The following DEFB116 variants were observed in gnomAD, a reference collection of about 807,000 sequenced individuals.
The protein encoded by DEFB116 is defensin beta 116.
In DEFB116, 5 loss-of-function variants were observed where a neutral mutation model predicts 2.8. That is an observed-to-expected ratio of 1.80 (90% CI 0.94 to 3.79). The LOEUF (loss-of-function observed/expected upper bound fraction) is 3.79. DEFB116 is among the 30% of genes most tolerant of loss of function. DEFB116 has a pLI of 0.00. For synonymous variants in DEFB116, 56 were observed against 40.8 expected, an observed-to-expected ratio of 1.37 and a Z score of -1.42; for missense variants, 170 against 118.0, an observed-to-expected ratio of 1.44 and a Z score of -2.04.
chr20:31,306,124 T>C (rs1984986335), intron 1 of DEFB116, among the ~76,000 whole-genome samples: 1 of 152,250 alleles, frequency 6.6e-6, no homozygotes, highest in Non-Finnish European at 1.5e-5. Context: ...GATATATTAT[T>C]TCTCTGCCTG....
rs765316849 is a variant in DEFB116 at position 31,308,568 on chromosome 20, G to C, written c.18C>G (p.Pro6=). Residue 6 remains proline (P), a synonymous_variant, in exon 1 of 2, where the codon CCC becomes CCG. Coordinates refer to ENST00000400549, the MANE Select transcript of DEFB116 (RefSeq NM_001037731.1). ...TAAGGATGGCAATGGTCATTAAACA[G>C]GGCTTCATGACTGACATGTTCCACC... is the stretch of plus-strand genomic sequence containing the variant. MSVMK[P]CLMTIAILMI... 8 of 1,613,444 alleles carry C rather than the reference G, an allele frequency of 5.0e-6. No individual in the cohort carries two copies. Among genetic ancestry groups the C allele is most frequent in the Non-Finnish European group, 6.8e-6 (8 of 1,179,556 alleles).
rs1266268220 is a variant in DEFB116 at position 31,303,309 on chromosome 20, A to T, written c.212T>A (p.Leu71His). The T allele has an allele frequency of 4.3e-6, 7 of 1,613,428 alleles. No individual in the cohort carries two copies. In the African/African-American group the frequency reaches 9.3e-5, roughly 22 times the overall value. The change falls in exon 2 of 2, where the codon CTT (leucine) becomes CAT (histidine). Residue 71 changes from leucine (L) to histidine (H), a missense_variant. Coordinates refer to ENST00000400549, the MANE Select transcript of DEFB116 (RefSeq NM_001037731.1). ...TTTAGAACTGGTTATTTTCACAGAA[A>T]GTTTCAGGCAGCACTTTTGATCATT... is the stretch of plus-strand genomic sequence containing the variant. Reference protein sequence around the residue: ...CPNDQKCCLKLSVKITSSKNV... With the variant: ...CPNDQKCCLKHSVKITSSKNV...
chr20:31,306,408 G>A (rs926085698), intron 1 of DEFB116, among the ~76,000 whole-genome samples: 3 of 152,148 alleles, frequency 2.0e-5, no homozygotes, highest in Non-Finnish European at 2.9e-5. Flanking sequence ...GTCCAGAACT[G>A]TTCCTGCTCA....
chr20:31,306,838 A>T (rs1818248453), intron 1 of DEFB116, among the ~76,000 whole-genome samples: 2 of 152,100 alleles, frequency 1.3e-5, no homozygotes, highest in East Asian at 1.9e-4. Flanking sequence ...CCAAGATTTG[A>T]CAGGAGACAA....
Position 31,308,371 on chromosome 20 carries a change from A to G in DEFB116, c.67+148T>C, listed in dbSNP as rs374345526. Reference sequence around the variant, plus strand: ...CAGGGGAGATCTTTACATGAAATTAACCTTGGGAATAACATCTGTGACCCA... The same window carrying G: ...CAGGGGAGATCTTTACATGAAATTAGCCTTGGGAATAACATCTGTGACCCA... On this transcript the variant is annotated intron_variant, in intron 1 of 1. Transcript: ENST00000400549. 6 of 701,290 alleles carry G rather than the reference A, an allele frequency of 8.6e-6. No homozygotes were observed. The African/African-American group carries it at 9.0e-5, about 10-fold the overall frequency. 43.4% of individuals were successfully genotyped at this position (701,290 alleles called of 1,614,324 possible). A position where few individuals can be genotyped will look rare whatever the true frequency, so the allele number is the denominator to read the frequency against.
intron 1 of DEFB116, among the ~76,000 whole-genome samples, chr20:31,308,236 A>G (rs910517432): frequency 6.6e-6 from 1 of 152,058 alleles, no homozygotes; most frequent in Non-Finnish European, 1.5e-5. Context: ...CACCTAACTC[A>G]TGAATTAAGC....
rs1000427464 is a variant in DEFB116, at chr20:31,303,294, G to C, written c.227C>G (p.Thr76Ser). The C allele has an allele frequency of 8.7e-6, 14 of 1,613,592 alleles. 1 individual carries two copies. The highest frequency in any genetic ancestry group is 4.5e-5 in the East Asian group (2 of 44,884). Residue 76 changes from threonine to serine, a missense_variant, in exon 2 of 2, where the codon ACC becomes AGC. Coordinates refer to ENST00000400549, the MANE Select transcript of DEFB116 (RefSeq NM_001037731.1). ...ATCCTCCTTCACATTTTTAGAACTGGTTATTTTCACAGAAAGTTTCAGGCA... is the reference window on the plus strand; with the variant it reads ...ATCCTCCTTCACATTTTTAGAACTGCTTATTTTCACAGAAAGTTTCAGGCA... ...KCCLKLSVKI[T>S]SSKNVKEDYD...
chr20:31,306,227 CA>C (rs1296497746), intron 1 of DEFB116, among the ~76,000 whole-genome samples: 1 of 152,132 alleles, frequency 6.6e-6, no homozygotes, highest in Non-Finnish European at 1.5e-5. Context: ...CATATTCATT[CA>C]TTCAATAAGT....
At chr20:31,307,146 A>G (rs1985008416) in intron 1 of DEFB116, among the ~76,000 whole-genome samples, 1 of 152,066 alleles carries the variant, frequency 6.6e-6, no homozygotes, top group Non-Finnish European at 1.5e-5. Context: ...AAACCTATCC[A>G]CGCCTAAAAG....
rs560542061 is a variant in DEFB116 at position 31,304,982 on chromosome 20, A to G, written c.68-1529T>C. ...GGGAAGAGAAATAAAGAAGAGGGAA[A>G]TGCCTCCACGGCAGATGTCCCATAA... On this transcript the variant is annotated intron_variant, in intron 1 of 1. Coordinates refer to ENST00000400549, the MANE Select transcript of DEFB116 (RefSeq NM_001037731.1). 3.1e-4 allele frequency among the ~76,000 whole-genome samples: 47 copies of G among 152,222 alleles called. 2 individuals are homozygous for G. The South Asian group carries it at 9.3e-3, about 30-fold the overall frequency.
chr20:31,307,283 G>A (rs141711136), intron 1 of DEFB116, among the ~76,000 whole-genome samples: 321 of 152,248 alleles, frequency 2.1e-3, no homozygotes, highest in African/African-American at 7.0e-3. Flanking sequence ...TATAGGAACT[G>A]TGTTGTACAG....
At chr20:31,306,603 G>C (rs1376091145) in intron 1 of DEFB116, among the ~76,000 whole-genome samples, 1 of 151,918 alleles carries the variant, frequency 6.6e-6, no homozygotes, top group African/African-American at 2.4e-5. Flanking sequence ...AATGTCTCTT[G>C]AGCAAAGGAA....
intron 1 of DEFB116, among the ~76,000 whole-genome samples, chr20:31,305,928 A>G (rs1984982327): frequency 6.6e-6 from 1 of 152,092 alleles, no homozygotes; most frequent in Non-Finnish European, 1.5e-5. Context: ...GAAAATACTA[A>G]TGGGCTCCTG....
chr20:31,307,055 C>T (rs1364827881), intron 1 of DEFB116, among the ~76,000 whole-genome samples: 1 of 152,114 alleles, frequency 6.6e-6, no homozygotes, highest in Non-Finnish European at 1.5e-5. Flanking sequence ...AAAAGCTATA[C>T]ATATTTAATT....
At chr20:31,308,495 A>T in intron 1 of DEFB116, 24 bp downstream of exon 1, 1 of 1,612,900 alleles carries the variant, frequency 6.2e-7, no homozygotes, top group Non-Finnish European at 8.5e-7. Context: ...AGACGCCAGA[A>T]CCTTTGAGAG....
At chr20:31,305,557 C>A (rs1298948121) in intron 1 of DEFB116, among the ~76,000 whole-genome samples, 3 of 152,058 alleles carry the variant, frequency 2.0e-5, no homozygotes, top group African/African-American at 2.4e-5. Context: ...CCTTAGATTG[C>A]CCTGCATTGC....
At chr20:31,306,356 T>C (rs1984990512) in intron 1 of DEFB116, among the ~76,000 whole-genome samples, 1 of 152,106 alleles carries the variant, frequency 6.6e-6, no homozygotes, top group Non-Finnish European at 1.5e-5. Context: ...TTTGGGAGGA[T>C]AAAAGGAAAA....
intron 1 of DEFB116, among the ~76,000 whole-genome samples, chr20:31,307,889 A>G (rs1449838060): frequency 2.0e-5 from 3 of 151,918 alleles, no homozygotes; most frequent in Non-Finnish European, 4.4e-5. Flanking sequence ...CCAACTGCAA[A>G]ACATACAAAC....
At chr20:31,308,299 T>C (rs2122452997) in intron 1 of DEFB116, among the ~76,000 whole-genome samples, 1 of 152,234 alleles carries the variant, frequency 6.6e-6, no homozygotes, top group East Asian at 1.9e-4. Context: ...GACTGTCCAC[T>C]ATGCCAGGAT....
Sources: gnomAD v4.1 joint callset for allele counts (sites outside exome capture counted in the v4.1 genomes callset) on GRCh38, gnomAD v4.1.1 for gene constraint, MANE v1.5 for transcripts, NCBI Gene and HGNC (gene_info 2026-07-23, HGNC 2026-07-21) for gene names.